The following PRKG1 variants were observed in gnomAD, a reference collection of about 807,000 sequenced individuals.
PRKG1 encodes protein kinase cGMP-dependent 1.
Under a neutral mutation model 88.1 loss-of-function variants are expected in PRKG1, and 35 were observed. The ratio of observed to expected loss-of-function variants is 0.40; its 90% CI spans 0.30 to 0.53. The LOEUF (loss-of-function observed/expected upper bound fraction) is 0.53. PRKG1 is among the 20% of genes least tolerant of loss of function. PRKG1 has a pLI of 0.59. For synonymous variants in PRKG1, 303 were observed against 292.5 expected, an observed-to-expected ratio of 1.04 and a Z score of -0.37; for missense variants, 540 against 839.8, an observed-to-expected ratio of 0.64 and a Z score of 4.41.
At chr10:51,898,178 G>C (rs1481795349) in intron 4 of PRKG1, among the ~76,000 whole-genome samples, 1 of 151,962 alleles carries the variant, frequency 6.6e-6, no homozygotes, top group Non-Finnish European at 1.5e-5. Context: ...ACCTTTCTCA[G>C]GTTTCTGCTC....
At chr10:51,515,110 A>T (rs1332359016) in intron 3 of PRKG1, among the ~76,000 whole-genome samples, 4 of 152,188 alleles carry the variant, frequency 2.6e-5, no homozygotes, top group African/African-American at 9.7e-5. Context: ...GAATAAATCG[A>T]TTTATATAAA....
chr10:51,159,000 A>G (rs1846290882), intron 2 of PRKG1, among the ~76,000 whole-genome samples: 1 of 152,024 alleles, frequency 6.6e-6, no homozygotes, highest in Non-Finnish European at 1.5e-5. Context: ...TTTTCCAGTA[A>G]GTTGGTTGAT....
chr10:52,019,545 T>C (rs1014039167), intron 5 of PRKG1, among the ~76,000 whole-genome samples: 7 of 152,156 alleles, frequency 4.6e-5, no homozygotes, highest in African/African-American at 1.7e-4. Context: ...GGAAGAAACC[T>C]GTCTAAAATC....
chr10:52,007,064 G>C (rs892127426), intron 5 of PRKG1, among the ~76,000 whole-genome samples: 3 of 152,178 alleles, frequency 2.0e-5, no homozygotes, highest in Non-Finnish European at 4.4e-5. Flanking sequence ...TCCTTTTTCA[G>C]AGAAGCAAAT....
At chr10:51,382,691 G>C (rs1837140704) in intron 2 of PRKG1, among the ~76,000 whole-genome samples, 1 of 152,162 alleles carries the variant, frequency 6.6e-6, no homozygotes. Context: ...GTAAGGAAAT[G>C]AATTATACTA....
intron 1 of PRKG1, among the ~76,000 whole-genome samples, chr10:51,014,496 T>C (rs1195073499): frequency 1.3e-5 from 2 of 152,170 alleles, no homozygotes; most frequent in South Asian, 2.1e-4. Context: ...AGGTAAGTAA[T>C]AGGGCTTTTG....
At position 51,065,953 on chromosome 10, in the gene PRKG1, CAG is replaced by C. The variant is rs1203318781; in HGVS notation, c.266+74316_266+74317del. On this transcript the variant is annotated intron_variant, in intron 1 of 17. Coordinates refer to the PRKG1 transcript ENST00000401604. ...TATGGGGATGATTCTGAAGGATTAT[CAG>C]AGAGAGTTTTTTTAGGGAAGAACTG... is the stretch of plus-strand genomic sequence containing the variant. Among the ~76,000 whole-genome samples the C allele has an allele frequency of 5.3e-5, 8 of 151,886 alleles. No individual in the cohort carries two copies. In the South Asian group the frequency reaches 1.7e-3, roughly 32 times the overall value.
intron 3 of PRKG1, chr10:51,695,620 G>A (rs748240511): frequency 4.6e-5 from 7 of 152,228 alleles, no homozygotes; most frequent in South Asian, 2.1e-4. Context: ...CAAAATGATC[G>A]AGCCAACTCT....
chr10:51,207,434 C>A (rs2132066457), intron 2 of PRKG1, among the ~76,000 whole-genome samples: 1 of 152,298 alleles, frequency 6.6e-6, no homozygotes, highest in South Asian at 2.1e-4. Flanking sequence ...TGCACTGGCT[C>A]TGACTGTCTC....
chr10:51,991,288 A>C (rs1007585330), intron 5 of PRKG1, among the ~76,000 whole-genome samples: 3 of 152,086 alleles, frequency 2.0e-5, no homozygotes, highest in African/African-American at 7.2e-5. Flanking sequence ...AACTGGGACA[A>C]TTTTAATTCC....
chr10:51,075,479 A>C (rs540265427), intron 1 of PRKG1, among the ~76,000 whole-genome samples: 2 of 152,378 alleles, frequency 1.3e-5, no homozygotes, highest in Non-Finnish European at 2.9e-5. Context: ...TGATTTCCTG[A>C]ATTGGATGAC....
intron 5 of PRKG1, among the ~76,000 whole-genome samples, chr10:52,026,639 G>C (rs1046030031): frequency 8.5e-5 from 13 of 152,136 alleles, no homozygotes; most frequent in African/African-American, 2.9e-4. Context: ...AGTGGTGATG[G>C]ATACACAACT....
At chr10:51,629,506 C>G (rs776008340) in intron 3 of PRKG1, among the ~76,000 whole-genome samples, 2 of 151,868 alleles carry the variant, frequency 1.3e-5, no homozygotes, top group Non-Finnish European at 2.9e-5. Context: ...TATGTCCAGT[C>G]TACACCATAA....
chr10:51,640,060 AACAGT>A (rs367934222), intron 3 of PRKG1, among the ~76,000 whole-genome samples: 11 of 152,292 alleles, frequency 7.2e-5, no homozygotes, highest in African/African-American at 2.6e-4. Context: ...AAATCTCTGA[AACAGT>A]AGTTGTTCAA....
At position 51,202,907 on chromosome 10, in the gene PRKG1, G is replaced by T. The variant is rs141292624; in HGVS notation, c.478+49577G>T. Among the ~76,000 whole-genome samples, 120 of 152,238 alleles carry T rather than the reference G, an allele frequency of 7.9e-4. 1 individual carries two copies. The East Asian group carries it at 0.021, about 26-fold the overall frequency. ...CATCACATTGATTCTGTTGGAACTG[G>T]GCTTCTGAAGATATATCTGGCTGAC... On this transcript the variant is annotated intron_variant, in intron 2 of 17. Transcript: ENST00000373980.
At chr10:51,102,526 T>G (rs1483531850) in intron 1 of PRKG1, among the ~76,000 whole-genome samples, 1 of 152,156 alleles carries the variant, frequency 6.6e-6, no homozygotes. Context: ...TTTAGAAATT[T>G]CCTAGTTCTT....
intron 2 of PRKG1, among the ~76,000 whole-genome samples, chr10:51,164,922 T>C (rs1473151241): frequency 6.6e-6 from 1 of 152,212 alleles, no homozygotes; most frequent in East Asian, 1.9e-4. Context: ...CTACGTCTGA[T>C]TGGTGTACCT....
At chr10:51,578,545 G>T (rs2339792) in intron 3 of PRKG1, among the ~76,000 whole-genome samples, 21,653 of 152,022 alleles carry the variant, frequency 0.14, 1,665 homozygotes, top group African/African-American at 0.2. Flanking sequence ...TGGTGAGAGG[G>T]CACCATTGAA....
At chr10:51,087,655 C>T (rs1339948212) in intron 1 of PRKG1, among the ~76,000 whole-genome samples, 3 of 152,138 alleles carry the variant, frequency 2.0e-5, no homozygotes, top group Non-Finnish European at 4.4e-5. Context: ...ATACTGTATA[C>T]CCATACTCAT....
Sources: allele counts gnomAD v4.1 joint callset (sites outside exome capture counted in the v4.1 genomes callset), GRCh38; gene constraint gnomAD v4.1.1; transcripts MANE v1.5; gene names NCBI Gene and HGNC (gene_info 2026-07-23, HGNC 2026-07-21).